Variants in MAP2K2 observed in about 807,000 individuals in gnomAD.
MAP2K2 encodes mitogen-activated protein kinase kinase 2, also known as dual specificity mitogen-activated protein kinase kinase 2.
Under a neutral mutation model 43.7 loss-of-function variants are expected in MAP2K2, and 24 were observed. The ratio of observed to expected loss-of-function variants is 0.55; its 90% CI spans 0.40 to 0.77. MAP2K2 has a LOEUF of 0.77. Among genes scored for constraint, MAP2K2 ranks in the 30% least tolerant of loss-of-function variants. MAP2K2 has a pLI of 0.00. For missense variants in MAP2K2, 470 were observed against 566.8 expected (o/e 0.83, Z 1.73); for synonymous variants, 244 against 239.7 (o/e 1.02, Z -0.17).
chr19:4,112,360 C>T (rs763405517), intron 2 of MAP2K2, among the ~76,000 whole-genome samples: 7 of 152,152 alleles, frequency 4.6e-5, no homozygotes, highest in East Asian at 1.9e-4. Context: ...ACACTGGGGC[C>T]GGGCCTTGAG....
intron 6 of MAP2K2, chr19:4,099,985 C>T (rs1054347690): frequency 6.1e-5 from 10 of 165,088 alleles, no homozygotes; most frequent in African/African-American, 2.2e-4. Flanking sequence ...CACGGTGGCT[C>T]ACGCCTGTAA....
chr19:4,102,134 A>T (rs12610112), intron 4 of MAP2K2, among the ~76,000 whole-genome samples: 2 of 151,966 alleles, frequency 1.3e-5, no homozygotes, highest in Non-Finnish European at 2.9e-5. Context: ...TGGCAAACAG[A>T]GGATACTAAG....
rs1446911815 is a variant in MAP2K2 at position 4,101,339 on chromosome 19, G to A, written c.529-59C>T. 14 of 1,526,560 alleles carry A rather than the reference G, an allele frequency of 9.2e-6. No individual in the cohort carries two copies. Among genetic ancestry groups the A allele is most frequent in the African/African-American group, 2.7e-5 (2 of 72,760 alleles). The allele number at this position is 1,526,560 out of a possible 1,614,324, so 94.6% of individuals were successfully genotyped here. A position where few individuals can be genotyped will look rare whatever the true frequency, so the allele number is the denominator to read the frequency against. ...GGCCACCAGGGCTTAGCTCCTGACC[G>A]AGCCCGGGGGTCAGAGCTGAGCAGT... On this transcript the variant is annotated intron_variant, in intron 4 of 10. Transcript: ENST00000262948. The surrounding 1 kb of genome is among the most constrained non-coding windows in gnomAD (Gnocchi z 6.3).
At position 4,101,387 on chromosome 19, in the gene MAP2K2, C is replaced by T. The variant is rs184032715; in HGVS notation, c.529-107G>A. ...AGTCAGAGCTGGAGCGAGGGAGCTGCGGCAGGAACCATTTCAGGCTGTGAG... is the reference window on the plus strand; with the variant it reads ...AGTCAGAGCTGGAGCGAGGGAGCTGTGGCAGGAACCATTTCAGGCTGTGAG... On this transcript the variant is annotated intron_variant, in intron 4 of 10. Coordinates refer to ENST00000262948, the MANE Select transcript of MAP2K2 (RefSeq NM_030662.4). This position sits in a 1 kb window ranked among gnomAD's most constrained non-coding sequence, Gnocchi z 6.3. The T allele has an allele frequency of 2.4e-4, 302 of 1,255,948 alleles. 1 individual carries two copies. In the East Asian group the frequency reaches 4.8e-3, roughly 20 times the overall value. The allele number at this position is 1,255,948 out of a possible 1,614,324, so 77.8% of individuals were successfully genotyped here.
At chr19:4,119,408 G>C (rs1392575216) in intron 1 of MAP2K2, among the ~76,000 whole-genome samples, 3 of 152,116 alleles carry the variant, frequency 2.0e-5, no homozygotes, top group Non-Finnish European at 4.4e-5. Context: ...TTTTAGTAGA[G>C]ACAAGGTTTC....
intron 10 of MAP2K2, among the ~76,000 whole-genome samples, chr19:4,092,328 G>A (rs775764137): frequency 6.6e-6 from 1 of 152,212 alleles, no homozygotes; most frequent in Non-Finnish European, 1.5e-5. Flanking sequence ...GCCAGGCCCA[G>A]TGGCTCATGC....
chr19:4,103,221 C>T lies in MAP2K2; in HGVS notation c.451-768G>A, dbSNP rs979469034. Reference sequence around the variant, plus strand: ...GGGCATCCTGCGGAGGGCCTGGAAACGAGTCATCATGGGTAGGCTGGTCCC... The same window carrying T: ...GGGCATCCTGCGGAGGGCCTGGAAATGAGTCATCATGGGTAGGCTGGTCCC... On this transcript the variant is annotated intron_variant, in intron 3 of 10. Transcript: ENST00000262948. The T allele has an allele frequency of 2.4e-5, 24 of 986,672 alleles. No individual in the cohort carries two copies. The Middle Eastern group carries it at 2.6e-3, about 107-fold the overall frequency. The allele number at this position is 986,672 out of a possible 1,614,324, so 61.1% of individuals were successfully genotyped here.
chr19:4,099,708 C>T (rs1204634648), intron 6 of MAP2K2: 4 of 468,724 alleles, frequency 8.5e-6, no homozygotes, highest in African/African-American at 1.9e-5. Context: ...AAGCAGGGGC[C>T]TCCTCCTCCA....
rs965711954 is a variant in MAP2K2, at chr19:4,123,886, C to T, written c.-11G>A. 6.4e-6 allele frequency: 9 copies of T among 1,416,698 alleles called. No individual in the cohort carries two copies. Among genetic ancestry groups the T allele is most frequent in the African/African-American group, 4.4e-5 (3 of 67,750 alleles). The allele number at this position is 1,416,698 out of a possible 1,614,324, so 87.8% of individuals were successfully genotyped here. ...CCTCCGGGCCAGCATCGGGGCTCCG[C>T]GGGCCGGCGGCGGCGGCGCCTCTAG... On this transcript the variant is annotated 5_prime_UTR_variant, in exon 1 of 11. Coordinates refer to ENST00000262948, the MANE Select transcript of MAP2K2 (RefSeq NM_030662.4).
chr19:4,123,878 G>C lies in MAP2K2; in HGVS notation c.-3C>G, dbSNP rs1317926427. ...ACCGGCTTCCTCCGGGCCAGCATCG[G>C]GGCTCCGCGGGCCGGCGGCGGCGGC... On this transcript the variant is annotated 5_prime_UTR_variant, in exon 1 of 11. Transcript: ENST00000262948. 6.9e-7 allele frequency: 1 copy of C among 1,440,670 alleles called. No individual in the cohort carries two copies. The highest frequency in any genetic ancestry group is 9.2e-7 in the Non-Finnish European group (1 of 1,092,186). 89.2% of individuals were successfully genotyped at this position (1,440,670 alleles called of 1,614,324 possible).
rs2041337401 is a variant in MAP2K2 at position 4,123,909 on chromosome 19, T to C, written c.-34A>G. 1.5e-6 allele frequency: 2 copies of C among 1,308,108 alleles called. No homozygotes were observed. Among genetic ancestry groups the C allele is most frequent in the Non-Finnish European group, 2.0e-6 (2 of 1,011,354 alleles). 81.0% of individuals were successfully genotyped at this position (1,308,108 alleles called of 1,614,324 possible). On this transcript the variant is annotated 5_prime_UTR_variant, in exon 1 of 11. An upstream open reading frame in the 5' UTR loses its in-frame stop. Transcript: ENST00000262948. ...CGCGGGCCGGCGGCGGCGGCGCCTC[T>C]AGCCGGGGCCCATAGGGGGCGGGCC...
At chr19:4,093,886 A>G (rs1286564515) in intron 10 of MAP2K2, among the ~76,000 whole-genome samples, 1 of 151,990 alleles carries the variant, frequency 6.6e-6, no homozygotes, top group South Asian at 2.1e-4. Context: ...ATGGGAAAGC[A>G]CTCGGGATGC....
rs757341163 is a variant in MAP2K2 at position 4,094,416 on chromosome 19, C to T, written c.1092+37G>A. On this transcript the variant is annotated intron_variant, in intron 10 of 10. Transcript: ENST00000262948. ...TTCCTGGGGCCTGGGTGGCAGCCTG[C>T]ACCCTCCCGGTCCCAGAACCCGCTG... 2.6e-6 allele frequency: 4 copies of T among 1,549,928 alleles called. No homozygotes were observed. In the African/African-American group the frequency reaches 4.1e-5, roughly 16 times the overall value.
intron 4 of MAP2K2, 37 bp downstream of exon 4, chr19:4,102,339 G>A (rs2041024856): frequency 1.3e-6 from 2 of 1,530,010 alleles, no homozygotes; most frequent in Admixed American, 1.9e-5. Context: ...CGTGCAGAGT[G>A]CGGTGGGGGC....
chr19:4,105,362 G>A (rs1054628176), intron 3 of MAP2K2, among the ~76,000 whole-genome samples: 5 of 151,368 alleles, frequency 3.3e-5, no homozygotes, highest in African/African-American at 1.2e-4. Context: ...TCCGCCTCCC[G>A]GGTTCACGCC....
At chr19:4,109,209 G>A (rs1003751610) in intron 3 of MAP2K2, among the ~76,000 whole-genome samples, 8 of 152,028 alleles carry the variant, frequency 5.3e-5, no homozygotes, top group Non-Finnish European at 7.4e-5. Context: ...CATTTCCTCC[G>A]GGGTTTTGAG....
intron 4 of MAP2K2, 29 bp downstream of exon 4, chr19:4,102,347 G>A (rs1375683918): frequency 1.9e-6 from 3 of 1,556,156 alleles, no homozygotes; most frequent in Admixed American, 3.8e-5. Flanking sequence ...GTGCGGTGGG[G>A]GCGCGATGTG....
In MAP2K2 at chr19:4,102,080, A is replaced by G. The variant is rs376435749; in HGVS notation, c.528+296T>C. ...AAGCTCCTGTCCCCTGCAACGTGCC[A>G]GCTGCCAACATCCCCCTGCCACGAG... On this transcript the variant is annotated intron_variant, in intron 4 of 10. Coordinates refer to ENST00000262948, the MANE Select transcript of MAP2K2 (RefSeq NM_030662.4). Among the ~76,000 whole-genome samples, 9 of 152,290 alleles carry G rather than the reference A, an allele frequency of 5.9e-5. No homozygotes were observed. The East Asian group carries it at 1.5e-3, about 26-fold the overall frequency.
In MAP2K2 at chr19:4,101,161, C is replaced by T. The variant is rs372759920; in HGVS notation, c.581-18G>A. The T allele has an allele frequency of 4.0e-4, 535 of 1,353,184 alleles. 8 individuals carry two copies. In the South Asian group the frequency reaches 4.8e-3, roughly 12 times the overall value. The allele number at this position is 1,353,184 out of a possible 1,614,324, so 83.8% of individuals were successfully genotyped here. ...CTTCACATCTGGAGGCGGCAGGCTG[C>T]GGGTGAGGGGCGCCCAACAGTTGCC... is the stretch of plus-strand genomic sequence containing the variant. On this transcript the variant is annotated intron_variant, in intron 5 of 10. Coordinates refer to ENST00000262948, the MANE Select transcript of MAP2K2 (RefSeq NM_030662.4). This position sits in a 1 kb window ranked among gnomAD's most constrained non-coding sequence, Gnocchi z 6.3.
Sources: gnomAD v4.1 joint callset for allele counts (sites outside exome capture counted in the v4.1 genomes callset) on GRCh38, gnomAD v4.1.1 for gene constraint, Gnocchi (gnomAD v3.1) non-coding constraint, MANE v1.5 for transcripts, NCBI Gene and HGNC (gene_info 2026-07-23, HGNC 2026-07-21) for gene names.